Variants in FANCL observed in about 807,000 individuals in gnomAD.
FANCL encodes FA complementation group L.
A neutral mutation model predicts 59.4 loss-of-function variants in FANCL; 69 were observed. The ratio of observed to expected loss-of-function variants is 1.16; its 90% confidence interval spans 0.96 to 1.42. The LOEUF is 1.42. Among genes scored for constraint, FANCL ranks in the 40% most tolerant of loss-of-function variants. FANCL has a pLI of 0.00. For synonymous variants in FANCL, 180 were observed against 147.1 expected (o/e 1.22, Z -1.62); for missense variants, 519 against 447.2 (o/e 1.16, Z -1.45).
intron 1 of FANCL, among the ~76,000 whole-genome samples, chr2:58,232,938 C>A (rs192848111): frequency 1.6e-4 from 24 of 151,988 alleles, no homozygotes; most frequent in South Asian, 4.1e-4. Context: ...AAACAATTAC[C>A]ATGTGGAATT....
chr2:58,221,187 CAA>C (rs879762449), intron 5 of FANCL, among the ~76,000 whole-genome samples: 1 of 136,838 alleles, frequency 7.3e-6, no homozygotes. Context: ...GACTCGGTCT[CAA>C]AAAAAAAAAA....
intron 5 of FANCL, among the ~76,000 whole-genome samples, chr2:58,206,498 G>A (rs78289580): frequency 7.2e-6 from 1 of 138,490 alleles, no homozygotes; most frequent in African/African-American, 2.4e-5. Flanking sequence ...TTTAAGAGGG[G>A]TGGAAGAAAA....
intron 7 of FANCL, among the ~76,000 whole-genome samples, chr2:58,186,326 C>T (rs560026196): frequency 2.4e-4 from 37 of 152,200 alleles, no homozygotes; most frequent in African/African-American, 8.9e-4. Context: ...TATTTGGACC[C>T]TTGTCCTACA....
intron 7 of FANCL, among the ~76,000 whole-genome samples, chr2:58,171,597 GAA>G (rs1254401557): frequency 2.6e-5 from 4 of 152,138 alleles, no homozygotes; most frequent in African/African-American, 7.2e-5. Flanking sequence ...CTGGTTTTTT[GAA>G]AAGAGTAACA....
chr2:58,205,874 A>G (rs186593085), intron 5 of FANCL, among the ~76,000 whole-genome samples: 112 of 152,232 alleles, frequency 7.4e-4, no homozygotes, highest in African/African-American at 2.6e-3. Flanking sequence ...ACCAAATTAT[A>G]AACAATAAAA....
intron 7 of FANCL, among the ~76,000 whole-genome samples, chr2:58,171,711 G>C (rs1686639493): frequency 1.3e-5 from 2 of 152,194 alleles, no homozygotes; most frequent in African/African-American, 4.8e-5. Context: ...ATTTCCATCT[G>C]AGGTACCGGG....
intron 5 of FANCL, among the ~76,000 whole-genome samples, chr2:58,209,069 T>A (rs1690870233): frequency 6.6e-6 from 1 of 152,200 alleles, no homozygotes; most frequent in Non-Finnish European, 1.5e-5. Flanking sequence ...ATCCCAACAT[T>A]CATCTCCTCT....
intron 5 of FANCL, among the ~76,000 whole-genome samples, chr2:58,210,192 C>T (rs751234269): frequency 6.6e-6 from 1 of 152,180 alleles, no homozygotes; most frequent in Non-Finnish European, 1.5e-5. Context: ...TGCTAAGACA[C>T]ACCCAAGACT....
chr2:58,236,306 CAGTG>C (rs2103983534), intron 1 of FANCL, among the ~76,000 whole-genome samples: 1 of 151,754 alleles, frequency 6.6e-6, no homozygotes, highest in South Asian at 2.1e-4. Flanking sequence ...TCGTAGAAAA[CAGTG>C]CAAGACAGTG....
intron 7 of FANCL, among the ~76,000 whole-genome samples, chr2:58,167,060 A>C (rs1194622817): frequency 2.6e-5 from 4 of 152,194 alleles, no homozygotes; most frequent in Admixed American, 1.3e-4. Context: ...AAAAATACAA[A>C]AATTAGCTGG....
In FANCL at chr2:58,241,279, C is replaced by T. The variant is rs2104082854; in HGVS notation, c.35G>A (p.Cys12Tyr). ...CCGGTTCTGGGGCAGAAGCAGGGGG[C>T]ACTGGCGCAACAGGCTCGCTTCCGT... Reference protein sequence around the residue: ...AVTEASLLRQCPLLLPQNRSK... With the variant: ...AVTEASLLRQYPLLLPQNRSK... The change falls in exon 1 of 14, where the codon TGC (cysteine) becomes TAC (tyrosine). Residue 12 changes from cysteine to tyrosine, a missense_variant. Physicochemically the swap from Cys to Tyr is radical, Grantham distance 194 (BLOSUM62 -2). Coordinates refer to ENST00000233741, the MANE Select transcript of FANCL (RefSeq NM_018062.4). 3 of 1,614,258 alleles carry T rather than the reference C, an allele frequency of 1.9e-6. No individual in the cohort carries two copies. Among genetic ancestry groups the T allele is most frequent in the East Asian group, 2.2e-5 (1 of 44,886 alleles).
intron 7 of FANCL, among the ~76,000 whole-genome samples, chr2:58,172,899 G>C (rs760590237): frequency 1.1e-4 from 16 of 152,180 alleles, no homozygotes; most frequent in Non-Finnish European, 2.2e-4. Flanking sequence ...AAAAAATTTA[G>C]ACGAATGCAT....
chr2:58,171,796 G>A (rs1394703390), intron 7 of FANCL, among the ~76,000 whole-genome samples: 1 of 152,224 alleles, frequency 6.6e-6, no homozygotes, highest in Non-Finnish European at 1.5e-5. Flanking sequence ...GCAGAAGCAG[G>A]ACGAGGCACT....
intron 5 of FANCL, among the ~76,000 whole-genome samples, chr2:58,217,193 T>TATATATATAA (rs1691881200): frequency 7.3e-5 from 1 of 13,674 alleles, no homozygotes; most frequent in Non-Finnish European, 1.5e-4. Context: ...TATATATATA[T>TATATATATAA]ATATATATAT....
chr2:58,222,315 A>AC (rs1692557155), intron 4 of FANCL, among the ~76,000 whole-genome samples: 1 of 85,004 alleles, frequency 1.2e-5, no homozygotes, highest in African/African-American at 1.1e-4. Flanking sequence ...CCTATCGGAG[A>AC]TAAAAAAAAA....
chr2:58,177,002 T>G (rs1459495860), intron 7 of FANCL, among the ~76,000 whole-genome samples: 1 of 152,182 alleles, frequency 6.6e-6, no homozygotes, highest in Non-Finnish European at 1.5e-5. Context: ...AAAGAAGACA[T>G]TTATGCAGCC....
chr2:58,190,918 T>C (rs1372558742), intron 7 of FANCL, among the ~76,000 whole-genome samples: 3 of 151,964 alleles, frequency 2.0e-5, no homozygotes, highest in African/African-American at 7.2e-5. Flanking sequence ...GCTCTAAGTA[T>C]TAACATTTCT....
At chr2:58,212,039 C>T (rs1344368668) in intron 5 of FANCL, among the ~76,000 whole-genome samples, 5 of 152,288 alleles carry the variant, frequency 3.3e-5, no homozygotes, top group African/African-American at 9.6e-5. Flanking sequence ...TCAGCAATGC[C>T]CCACTCTACT....
At chr2:58,184,052 T>G (rs114979985) in intron 7 of FANCL, among the ~76,000 whole-genome samples, 1 of 152,004 alleles carries the variant, frequency 6.6e-6, no homozygotes, top group Non-Finnish European at 1.5e-5. Context: ...TATAACTGTT[T>G]GAAAATCCAT....
Sources: allele counts gnomAD v4.1 joint callset (sites outside exome capture counted in the v4.1 genomes callset), GRCh38; gene constraint gnomAD v4.1.1; transcripts MANE v1.5; gene names NCBI Gene and HGNC (gene_info 2026-07-23, HGNC 2026-07-21).